The following MAF variants were observed in gnomAD, a reference collection of about 807,000 sequenced individuals.
MAF encodes MAF bZIP transcription factor, also known as transcription factor Maf.
Under a neutral mutation model 22.0 loss-of-function variants are expected in MAF, and 10 were observed. That is an observed-to-expected ratio of 0.45 (90% confidence interval 0.28 to 0.77). The LOEUF is 0.77. Ranked by LOEUF, MAF falls within the 30% of genes least tolerant of loss-of-function variation. MAF has a pLI of 0.12. For missense variants in MAF, 544 were observed against 548.4 expected (o/e 0.99, Z 0.08); for synonymous variants, 337 against 255.8 (o/e 1.32, Z -3.03).
At chr16:79,364,076 G>C in the MAF span, among the ~76,000 whole-genome samples, 2 of 152,262 alleles carry the variant, frequency 1.3e-5, no homozygotes, top group Non-Finnish European at 2.9e-5. Flanking sequence ...TTTAATCCTT[G>C]TCTGTGTCAA....
chr16:79,504,317 G>A, the MAF span, among the ~76,000 whole-genome samples: 1 of 152,226 alleles, frequency 6.6e-6, no homozygotes. Flanking sequence ...CCAACTACCT[G>A]TCCCCACCAC....
At chr16:79,222,919 G>T in the MAF span, among the ~76,000 whole-genome samples, 1 of 152,114 alleles carries the variant, frequency 6.6e-6, no homozygotes, top group East Asian at 1.9e-4. Flanking sequence ...CAGTAATAGT[G>T]GGAGACTTCA....
chr16:79,564,356 T>C, the MAF span, among the ~76,000 whole-genome samples: 2 of 152,120 alleles, frequency 1.3e-5, no homozygotes, highest in Admixed American at 6.5e-5. Flanking sequence ...GAAAGAAGAA[T>C]TATGGGGAAG....
At chr16:79,260,789 A>G in the MAF span, among the ~76,000 whole-genome samples, 2 of 152,212 alleles carry the variant, frequency 1.3e-5, no homozygotes, top group African/African-American at 4.8e-5. Flanking sequence ...GCTGGCATCC[A>G]ATCTGTGACT....
chr16:79,537,344 T>G, the MAF span, among the ~76,000 whole-genome samples: 1 of 152,202 alleles, frequency 6.6e-6, no homozygotes, highest in Non-Finnish European at 1.5e-5. Context: ...AGTCATCGAG[T>G]ACTTGCAGTA....
the MAF span, among the ~76,000 whole-genome samples, chr16:79,439,560 C>A: frequency 6.6e-6 from 1 of 152,080 alleles, no homozygotes; most frequent in Non-Finnish European, 1.5e-5. Context: ...AGCGCCTGGC[C>A]AGCACTTAAT....
the MAF span, among the ~76,000 whole-genome samples, chr16:79,288,624 A>T: frequency 2.6e-5 from 4 of 152,214 alleles, no homozygotes; most frequent in Non-Finnish European, 4.4e-5. Flanking sequence ...GTTATATAGA[A>T]ATAGATAATA....
At chr16:79,523,054 A>G in the MAF span, among the ~76,000 whole-genome samples, 1 of 152,222 alleles carries the variant, frequency 6.6e-6, no homozygotes, top group African/African-American at 2.4e-5. Context: ...AGTCATCATA[A>G]AAATTTTACC....
chr16:79,397,252 G>A, the MAF span, among the ~76,000 whole-genome samples: 20 of 152,266 alleles, frequency 1.3e-4, no homozygotes, highest in African/African-American at 2.6e-4. Flanking sequence ...AGTCTTTACC[G>A]TGGTTTTCTT....
At chr16:79,218,442 G>C in the MAF span, among the ~76,000 whole-genome samples, 1 of 152,120 alleles carries the variant, frequency 6.6e-6, no homozygotes, top group African/African-American at 2.4e-5. Context: ...GATCTCCTCA[G>C]CATACCTTTG....
At chr16:79,361,231 G>C in the MAF span, among the ~76,000 whole-genome samples, 1 of 152,142 alleles carries the variant, frequency 6.6e-6, no homozygotes, top group African/African-American at 2.4e-5. Context: ...CTCATTAGGA[G>C]AGCTGAGGGT....
At chr16:79,504,887 A>T in the MAF span, among the ~76,000 whole-genome samples, 1 of 152,172 alleles carries the variant, frequency 6.6e-6, no homozygotes, top group African/African-American at 2.4e-5. Context: ...TTGTACGAAC[A>T]CACACATTCA....
the MAF span, among the ~76,000 whole-genome samples, chr16:79,362,492 A>C: frequency 2.0e-5 from 3 of 152,178 alleles, no homozygotes; most frequent in Admixed American, 6.5e-5. Context: ...GTGCATGAAA[A>C]GCTCTCAGCA....
the MAF span, among the ~76,000 whole-genome samples, chr16:79,305,556 C>A: frequency 6.6e-6 from 1 of 152,060 alleles, no homozygotes; most frequent in Admixed American, 6.6e-5. Flanking sequence ...TGTGAGACCT[C>A]CACTGGTCAT....
chr16:79,400,765 G>A, the MAF span, among the ~76,000 whole-genome samples: 113 of 152,352 alleles, frequency 7.4e-4, no homozygotes, highest in Admixed American at 3.9e-3. Flanking sequence ...GACTCCTGGC[G>A]CCCAAGTTTT....
chr16:79,397,840 A>G, the MAF span, among the ~76,000 whole-genome samples: 109 of 152,362 alleles, frequency 7.2e-4, no homozygotes, highest in South Asian at 4.6e-3. Flanking sequence ...ACCTCTGGCC[A>G]TGCCCCAGCC....
the MAF span, among the ~76,000 whole-genome samples, chr16:79,445,709 C>G: frequency 6.6e-6 from 1 of 152,082 alleles, no homozygotes; most frequent in East Asian, 1.9e-4. Flanking sequence ...CAGCAAAGGA[C>G]CAGTTTGCAT....
chr16:79,230,363 G>C, the MAF span, among the ~76,000 whole-genome samples: 1 of 152,288 alleles, frequency 6.6e-6, no homozygotes, highest in Admixed American at 6.5e-5. Context: ...AACTGAGCAA[G>C]AAGTACTGAG....
chr16:79,349,009 C>T, the MAF span, among the ~76,000 whole-genome samples: 3 of 152,204 alleles, frequency 2.0e-5, no homozygotes, highest in South Asian at 6.2e-4. Flanking sequence ...CCCTCCATTG[C>T]TCTTCCCCCA....
Sources: allele counts gnomAD v4.1 joint callset (sites outside exome capture counted in the v4.1 genomes callset), GRCh38; gene constraint gnomAD v4.1.1; transcripts MANE v1.5; gene names NCBI Gene and HGNC (gene_info 2026-07-23, HGNC 2026-07-21).